The following PLPPR1 variants were observed in gnomAD, a reference collection of about 807,000 sequenced individuals.
PLPPR1 encodes the protein phospholipid phosphatase related 1, also known as phospholipid phosphatase-related protein type 1.
In PLPPR1, 10 loss-of-function variants were observed where a neutral mutation model predicts 33.1. The ratio of observed to expected loss-of-function variants is 0.30; its 90% confidence interval spans 0.19 to 0.51. The LOEUF (loss-of-function observed/expected upper bound fraction) is 0.51, where lower values mean the gene tolerates loss of function less well. Ranked by LOEUF, PLPPR1 falls within the 20% of genes least tolerant of loss-of-function variation. The probability of loss-of-function intolerance (pLI) is 0.97; values close to 1 mark genes in which losing one functional copy is unlikely to be tolerated. For synonymous variants in PLPPR1, 151 were observed against 151.0 expected, an observed-to-expected ratio of 1.00 and a Z score of 0.00; for missense variants, 304 against 408.1, an observed-to-expected ratio of 0.74 and a Z score of 2.20.
At chr9:101,160,365 T>C (rs963778556) in intron 1 of PLPPR1, among the ~76,000 whole-genome samples, 8 of 152,178 alleles carry the variant, frequency 5.3e-5, no homozygotes, top group African/African-American at 1.9e-4. Context: ...CATGAAGACA[T>C]TGATGTAACT....
At chr9:101,198,582 G>C (rs953183407) in intron 2 of PLPPR1, among the ~76,000 whole-genome samples, 2 of 152,168 alleles carry the variant, frequency 1.3e-5, no homozygotes, top group Non-Finnish European at 2.9e-5. Context: ...ATGATGAGAG[G>C]TGGAGCCTTC....
At position 101,238,901 on chromosome 9, in the gene PLPPR1, C is replaced by T. The variant is rs778970507; in HGVS notation, c.64-30979C>T. 8.5e-4 allele frequency among the ~76,000 whole-genome samples: 129 copies of T among 151,800 alleles called. 1 individual carries two copies. Among genetic ancestry groups the T allele is most frequent in the Non-Finnish European group, 1.3e-3 (88 of 67,856 alleles). On this transcript the variant is annotated intron_variant, in intron 2 of 7. Transcript: ENST00000374874. ...TCTCTTTATCCTCCTTTCCTTCTTA[C>T]CCTTCCAGCTTCTAACAATCGCAGT...
intron 1 of PLPPR1, among the ~76,000 whole-genome samples, chr9:101,152,034 T>C (rs191817639): frequency 4.3e-4 from 65 of 152,344 alleles, no homozygotes; most frequent in Non-Finnish European, 1.9e-4. Flanking sequence ...AGTGTTCCTA[T>C]TTCTCCACAT....
rs1418441122 is a variant in PLPPR1, at chr9:101,324,907, G to A, written c.*850G>A. Reference sequence around the variant, plus strand: ...AAGGAATCAGAGAATCTACAACATAGGGCCCCAGAACAACAGTTTCACTTT... The same window carrying A: ...AAGGAATCAGAGAATCTACAACATAAGGCCCCAGAACAACAGTTTCACTTT... On this transcript the variant is annotated 3_prime_UTR_variant, in exon 8 of 8. Transcript: ENST00000374874. The A allele has an allele frequency of 6.6e-6, 1 of 152,552 alleles. No individual in the cohort carries two copies. Among genetic ancestry groups the A allele is most frequent in the Admixed American group, 6.5e-5 (1 of 15,274 alleles). The allele number at this position is 152,552 out of a possible 1,614,324, so 9.4% of individuals were successfully genotyped here.
intron 1 of PLPPR1, among the ~76,000 whole-genome samples, chr9:101,117,654 C>T (rs1157991324): frequency 7.2e-6 from 1 of 139,752 alleles, no homozygotes; most frequent in Non-Finnish European, 1.5e-5. Flanking sequence ...AACTTGCTTT[C>T]ACTTAAAAAA....
chr9:101,149,635 T>C (rs1371421992), intron 1 of PLPPR1, among the ~76,000 whole-genome samples: 4 of 152,206 alleles, frequency 2.6e-5, no homozygotes, highest in Non-Finnish European at 5.9e-5. Flanking sequence ...TACAGTCTAT[T>C]CTAATTCATT....
chr9:101,190,763 C>A (rs1826283625), intron 2 of PLPPR1, among the ~76,000 whole-genome samples: 1 of 152,024 alleles, frequency 6.6e-6, no homozygotes, highest in South Asian at 2.1e-4. Context: ...CCCTGGTAAT[C>A]CTTGAATTTC....
intron 5 of PLPPR1, among the ~76,000 whole-genome samples, chr9:101,311,160 TTC>T (rs56145162): frequency 0.073 from 11,132 of 152,264 alleles, 447 homozygotes; most frequent in South Asian, 0.14. Flanking sequence ...ATAAAAATTA[TTC>T]TGTTACTTAT....
At chr9:101,284,585 C>A (rs1385322280) in intron 3 of PLPPR1, among the ~76,000 whole-genome samples, 2 of 152,130 alleles carry the variant, frequency 1.3e-5, no homozygotes, top group African/African-American at 4.8e-5. Flanking sequence ...TCACAGTGTA[C>A]ATACACTTTA....
chr9:101,312,823 C>A lies in PLPPR1; in HGVS notation c.662C>A (p.Thr221Lys), dbSNP rs200667385. Reference sequence around the variant, plus strand: ...ATGTATATTACAAGCACAATCAAGACGAAGAGCAGTCGACTGGCCAAGCCG... The same window carrying A: ...ATGTATATTACAAGCACAATCAAGAAGAAGAGCAGTCGACTGGCCAAGCCG... ...ATMYITSTIK[T>K]KSSRLAKPVL... Residue 221 changes from threonine (T) to lysine (K), a missense_variant, in exon 6 of 8, where the codon ACG becomes AAG. By Grantham distance (78) the Thr-to-Lys change is moderately conservative (BLOSUM62 -1). Transcript: ENST00000374874. The A allele has an allele frequency of 1.2e-6, 2 of 1,614,092 alleles. No homozygotes were observed. Among genetic ancestry groups the A allele is most frequent in the Non-Finnish European group, 1.7e-6 (2 of 1,179,990 alleles).
chr9:101,179,184 A>G (rs1826062321), intron 1 of PLPPR1, among the ~76,000 whole-genome samples: 1 of 152,134 alleles, frequency 6.6e-6, no homozygotes, highest in African/African-American at 2.4e-5. Flanking sequence ...TAGTATTACC[A>G]TGCCTTGTGA....
chr9:101,120,220 T>G (rs970605140), intron 1 of PLPPR1, among the ~76,000 whole-genome samples: 14 of 152,250 alleles, frequency 9.2e-5, no homozygotes, highest in African/African-American at 3.4e-4. Context: ...TTCCATTTTA[T>G]TTTTACTCCT....
chr9:101,290,752 T>C (rs1415946317), intron 4 of PLPPR1, among the ~76,000 whole-genome samples: 1 of 152,236 alleles, frequency 6.6e-6, no homozygotes, highest in African/African-American at 2.4e-5. Flanking sequence ...AGAATATTCA[T>C]GATATGTGAA....
At chr9:101,296,244 A>G (rs1032188467) in intron 4 of PLPPR1, among the ~76,000 whole-genome samples, 75 of 151,704 alleles carry the variant, frequency 4.9e-4, no homozygotes, top group African/African-American at 1.6e-3. Flanking sequence ...CAAAACCACA[A>G]TGAGATACCA....
intron 4 of PLPPR1, among the ~76,000 whole-genome samples, chr9:101,296,196 A>T (rs1161643856): frequency 1.3e-5 from 2 of 151,836 alleles, no homozygotes; most frequent in Non-Finnish European, 2.9e-5. Flanking sequence ...ACACATGAAA[A>T]AATGCTCACC....
At chr9:101,107,604 TTGTC>T (rs1266227150) in intron 1 of PLPPR1, among the ~76,000 whole-genome samples, 1 of 76,330 alleles carries the variant, frequency 1.3e-5, no homozygotes, top group Non-Finnish European at 2.6e-5. Flanking sequence ...GTCTTTTTGT[TTGTC>T]TGTGCCCTGC....
chr9:101,091,905 A>G (rs1301324065), intron 1 of PLPPR1, among the ~76,000 whole-genome samples: 1 of 152,174 alleles, frequency 6.6e-6, no homozygotes, highest in Non-Finnish European at 1.5e-5. Flanking sequence ...ATAATCTCCT[A>G]ACTGGCCTCC....
intron 1 of PLPPR1, among the ~76,000 whole-genome samples, chr9:101,080,151 T>C (rs766057433): frequency 6.6e-6 from 1 of 152,186 alleles, no homozygotes; most frequent in Non-Finnish European, 1.5e-5. Flanking sequence ...ATTCGATTTT[T>C]GAAATGTGAA....
At chr9:101,319,968 G>A (rs2118971363) in intron 7 of PLPPR1, among the ~76,000 whole-genome samples, 1 of 152,206 alleles carries the variant, frequency 6.6e-6, no homozygotes, top group African/African-American at 2.4e-5. Context: ...TCTGTCTAAT[G>A]TCTTCCCTAG....
Sources: gnomAD v4.1 joint callset for allele counts (sites outside exome capture counted in the v4.1 genomes callset) on GRCh38, gnomAD v4.1.1 for gene constraint, MANE v1.5 for transcripts, NCBI Gene and HGNC (gene_info 2026-07-23, HGNC 2026-07-21) for gene names.